TNRC6C: variants seen among roughly 807,000 people sequenced by gnomAD.
The protein encoded by TNRC6C is trinucleotide repeat containing adaptor 6C, also known as trinucleotide repeat-containing gene 6C protein.
A neutral mutation model predicts 153.7 loss-of-function variants in TNRC6C; 20 were observed. The ratio of observed to expected loss-of-function variants is 0.13; its 90% CI spans 0.09 to 0.19. The LOEUF (loss-of-function observed/expected upper bound fraction) is 0.19, where lower values mean the gene tolerates loss of function less well. Ranked by LOEUF, TNRC6C falls within the 10% of genes least tolerant of loss-of-function variation. TNRC6C has a pLI of 1.00. For synonymous variants in TNRC6C, 811 were observed against 841.4 expected (o/e 0.96, Z 0.63); for missense variants, 1,987 against 2,172.0 (o/e 0.91, Z 1.69).
chr17:78,042,581 T>A (rs1196380660), intron 2 of TNRC6C, among the ~76,000 whole-genome samples: 1 of 149,768 alleles, frequency 6.7e-6, no homozygotes, highest in Admixed American at 6.6e-5. Context: ...TTTTTTTTTT[T>A]AACGAAATTT....
At chr17:77,991,246 G>A (rs570136642) in intron 1 of TNRC6C, among the ~76,000 whole-genome samples, 3 of 152,302 alleles carry the variant, frequency 2.0e-5, no homozygotes, top group South Asian at 2.1e-4. Flanking sequence ...GGGGCTTGAT[G>A]TATGTATTGT....
Position 78,075,233 on chromosome 17 carries a change from A to G in TNRC6C, c.3015A>G (p.Pro1005=). ...CCAAGCCCCTCGGCTGCCGCCCGCC[A>G]ATCTCCAAAGAGTCTTCCGTGGACC... Residue 1005 remains proline (P), a synonymous_variant, in exon 8 of 20, where the codon CCA becomes CCG. Coordinates refer to ENST00000301624, the Ensembl canonical transcript of TNRC6C. The surrounding 1 kb of genome is among the most constrained non-coding windows in gnomAD (Gnocchi z 4.2). 1 of 1,604,074 alleles carries G rather than the reference A, an allele frequency of 6.2e-7. No homozygotes were observed. The highest frequency in any genetic ancestry group is 8.5e-7 in the Non-Finnish European group (1 of 1,175,218).
At chr17:78,106,657 T>C (rs1050520743) in exon 20 of TNRC6C, 3 of 151,166 alleles carry the variant, frequency 2.0e-5, no homozygotes, top group African/African-American at 7.3e-5. Flanking sequence ...TCAAAAGAAA[T>C]AGATGTTTGA....
Position 77,971,150 on chromosome 17 carries a change from C to T in TNRC6C, c.-38+11882C>T, listed in dbSNP as rs145705720. ...CATATTGTAAAATGTCTATCTGAGA[C>T]CCAAGTCTCTGGAATTTGTTATCTA... On this transcript the variant is annotated intron_variant, in intron 1 of 22. Coordinates refer to the TNRC6C transcript ENST00000636222. 5.8e-4 allele frequency among the ~76,000 whole-genome samples: 89 copies of T among 152,280 alleles called. 2 individuals are homozygous for T. The East Asian group carries it at 8.9e-3, about 15-fold the overall frequency.
At chr17:78,064,350 C>G (rs900018878) in intron 3 of TNRC6C, among the ~76,000 whole-genome samples, 2 of 152,122 alleles carry the variant, frequency 1.3e-5, no homozygotes, top group Non-Finnish European at 2.9e-5. Flanking sequence ...ACCTGACTCC[C>G]AAAGTGCTGG....
At chr17:77,957,590 G>C (rs56901532), upstream of TNRC6C, among the ~76,000 whole-genome samples, 4,315 of 152,276 alleles carry the variant, frequency 0.028, 181 homozygotes, top group African/African-American at 0.099. Flanking sequence ...GGGACACGTA[G>C]ACAGGGAATG....
At chr17:78,065,527 C>T (rs2072858164) in intron 4 of TNRC6C, among the ~76,000 whole-genome samples, 1 of 152,188 alleles carries the variant, frequency 6.6e-6, no homozygotes, top group African/African-American at 2.4e-5. Flanking sequence ...CACACTACTT[C>T]AGCAGTATTC....
At chr17:77,967,078 A>AT (rs943258580) in intron 1 of TNRC6C, among the ~76,000 whole-genome samples, 1 of 152,152 alleles carries the variant, frequency 6.6e-6, no homozygotes, top group Non-Finnish European at 1.5e-5. Flanking sequence ...AGATAAAAAT[A>AT]TTTTTTATTT....
intron 13 of TNRC6C, 136 bp downstream of exon 15, chr17:78,087,229 C>T: frequency 7.0e-7 from 1 of 1,425,120 alleles, no homozygotes; most frequent in South Asian, 1.6e-5. Flanking sequence ...GAAATGCAGC[C>T]CCAGACAAAA....
intron 1 of TNRC6C, among the ~76,000 whole-genome samples, chr17:77,959,804 G>GTT (rs2070846672): frequency 6.6e-6 from 1 of 152,142 alleles, no homozygotes; most frequent in African/African-American, 2.4e-5. Flanking sequence ...AAAACGAGCC[G>GTT]TACAACATCT....
At chr17:78,029,772 ATTTT>A (rs148167459) in intron 1 of TNRC6C, among the ~76,000 whole-genome samples, 24 of 149,410 alleles carry the variant, frequency 1.6e-4, no homozygotes, top group Admixed American at 6.0e-4. Context: ...TCTGTGTTTA[ATTTT>A]TTTTTTAACT....
rs971802051 is a variant in TNRC6C at position 77,985,999 on chromosome 17, A to G, written c.-37-18171A>G. On this transcript the variant is annotated intron_variant, in intron 1 of 22. Coordinates refer to the TNRC6C transcript ENST00000636222. ...GCAGTATAGATAAGTCAGTAACTGG[A>G]CTAGATACTTACCATCAGTAACCAT... Among the ~76,000 whole-genome samples, 10 of 152,228 alleles carry G rather than the reference A, an allele frequency of 6.6e-5. No individual in the cohort carries two copies. The South Asian group carries it at 8.3e-4, about 13-fold the overall frequency.
chr17:77,971,557 C>T (rs914261949), intron 1 of TNRC6C, among the ~76,000 whole-genome samples: 1 of 152,160 alleles, frequency 6.6e-6, no homozygotes, highest in East Asian at 1.9e-4. Flanking sequence ...AACTGCACCC[C>T]TGTTCTTGCC....
At chr17:78,011,348 AC>A (rs1239658503) in intron 1 of TNRC6C, among the ~76,000 whole-genome samples, 1 of 151,940 alleles carries the variant, frequency 6.6e-6, no homozygotes, top group African/African-American at 2.4e-5. Flanking sequence ...TCCCCACCCT[AC>A]CCCCATCTGT....
At chr17:78,097,915 A>G (rs1379596002) in intron 16 of TNRC6C, 54 bp downstream of exon 19, 40 of 1,395,658 alleles carry the variant, frequency 2.9e-5, no homozygotes, top group Non-Finnish European at 3.7e-5. Flanking sequence ...TTTCCCAAAC[A>G]AAACTTTGAC....
rs147895368 is a variant in TNRC6C, at chr17:77,962,483, A to C, written c.-38+3215A>C. On this transcript the variant is annotated intron_variant, in intron 1 of 22. Coordinates refer to the TNRC6C transcript ENST00000636222. The stretch of plus-strand genomic sequence containing the variant: ...ATTAAGATTTGGGGATAGAGCAAGC[A>C]AAGATTACCAAGAGCAACTGAAGCT... Among the ~76,000 whole-genome samples, 315 of 152,326 alleles carry C rather than the reference A, an allele frequency of 2.1e-3. 2 individuals are homozygous for C. The highest frequency in any genetic ancestry group is 0.015 in the East Asian group (76 of 5,184).
At chr17:78,067,656 T>C in intron 4 of TNRC6C, 101 bp from the exon 7 acceptor site, 2 of 1,277,746 alleles carry the variant, frequency 1.6e-6, no homozygotes, top group Non-Finnish European at 1.1e-6. Flanking sequence ...TAGATTACAA[T>C]GCATCATTTG....
intron 2 of TNRC6C, among the ~76,000 whole-genome samples, chr17:78,047,623 A>C (rs955546867): frequency 1.3e-5 from 2 of 152,180 alleles, no homozygotes; most frequent in Non-Finnish European, 2.9e-5. Flanking sequence ...TTCATGTTTT[A>C]ATTGTCCATA....
rs989314952 is a variant in TNRC6C, at chr17:78,064,960, C to T, written c.2611+23C>T. 12 of 1,584,100 alleles carry T rather than the reference C, an allele frequency of 7.6e-6. No homozygotes were observed. In the African/African-American group the frequency reaches 8.1e-5, roughly 11 times the overall value. ...CAGGTAAGCCTAGCATCCTGCTTGCCCTGATCTGGCAATTTGGAAATGACT... is the reference window on the plus strand; with the variant it reads ...CAGGTAAGCCTAGCATCCTGCTTGCTCTGATCTGGCAATTTGGAAATGACT... On this transcript the variant is annotated intron_variant, in intron 4 of 19. Coordinates refer to ENST00000301624, the Ensembl canonical transcript of TNRC6C.
Sources: allele counts gnomAD v4.1 joint callset (sites outside exome capture counted in the v4.1 genomes callset), GRCh38; gene constraint gnomAD v4.1.1; non-coding constraint Gnocchi (gnomAD v3.1); transcripts MANE v1.5; gene names NCBI Gene and HGNC (gene_info 2026-07-23, HGNC 2026-07-21).